The following PLCD1 variants were observed in gnomAD, a reference collection of about 807,000 sequenced individuals.
PLCD1 encodes the protein phospholipase C delta 1.
PLCD1 carries 71 observed loss-of-function variants against 87.4 expected under a neutral mutation model. The ratio of observed to expected loss-of-function variants is 0.81; its 90% confidence interval spans 0.67 to 0.99. The LOEUF is 0.99. Ranked by LOEUF, PLCD1 falls within the 50% of genes least tolerant of loss-of-function variation. The pLI, the probability that PLCD1 is intolerant of heterozygous loss-of-function variation, is 0.00. For synonymous variants in PLCD1, 348 were observed against 399.2 expected (o/e 0.87, Z 1.53); for missense variants, 867 against 1,001.5 (o/e 0.87, Z 1.81).
At chr3:38,026,415 A>T (rs1700309340) in intron 1 of PLCD1, among the ~76,000 whole-genome samples, 1 of 152,182 alleles carries the variant, frequency 6.6e-6, no homozygotes, top group Non-Finnish European at 1.5e-5. Flanking sequence ...GCTACTTGGG[A>T]GGCTGAGGCA....
chr3:38,022,496 T>A (rs1216956480), intron 1 of PLCD1, among the ~76,000 whole-genome samples: 2 of 152,132 alleles, frequency 1.3e-5, no homozygotes, highest in African/African-American at 4.8e-5. Flanking sequence ...GCCAACAGCA[T>A]GTATGGGAAT....
intron 1 of PLCD1, among the ~76,000 whole-genome samples, chr3:38,023,406 A>C (rs940985875): frequency 6.6e-6 from 1 of 152,224 alleles, no homozygotes; most frequent in Non-Finnish European, 1.5e-5. Flanking sequence ...ATGATGATAG[A>C]GGCTCCCATA....
intron 14 of PLCD1, 50 bp from the exon 15 acceptor site, chr3:38,007,908 G>A (rs748223047): frequency 4.1e-5 from 66 of 1,605,862 alleles, no homozygotes; most frequent in Non-Finnish European, 4.9e-5. Context: ...CTGGTCATTC[G>A]GCGGCGGAGG....
intron 3 of PLCD1, among the ~76,000 whole-genome samples, chr3:38,012,120 C>T (rs1436993277): frequency 6.7e-6 from 1 of 149,036 alleles, no homozygotes; most frequent in African/African-American, 2.5e-5. Flanking sequence ...CTAGACCTCT[C>T]AGGCTCAAGT....
chr3:38,022,928 G>A (rs1700255781), intron 1 of PLCD1, among the ~76,000 whole-genome samples: 1 of 151,446 alleles, frequency 6.6e-6, no homozygotes, highest in African/African-American at 2.4e-5. Flanking sequence ...GAAAGTAATA[G>A]CAAAAACTTT....
chr3:38,012,856 G>T (rs1700102094), intron 3 of PLCD1, among the ~76,000 whole-genome samples: 1 of 151,828 alleles, frequency 6.6e-6, no homozygotes, highest in African/African-American at 2.4e-5. Context: ...TCCTCCAGAA[G>T]CTTCTGATAT....
chr3:38,024,775 G>A, intron 1 of PLCD1: 1 of 1,288,590 alleles, frequency 7.8e-7, no homozygotes, highest in African/African-American at 1.5e-5. Flanking sequence ...TACAGGAGGC[G>A]GGACGAGAAG....
At chr3:38,027,270 A>G (rs557912077) in intron 1 of PLCD1, among the ~76,000 whole-genome samples, 3 of 152,258 alleles carry the variant, frequency 2.0e-5, no homozygotes, top group African/African-American at 4.8e-5. Flanking sequence ...AGAACTACAG[A>G]TGGCAACTCA....
chr3:38,014,057 G>GA (rs201592073), intron 3 of PLCD1, among the ~76,000 whole-genome samples: 475 of 151,696 alleles, frequency 3.1e-3, no homozygotes, highest in Middle Eastern at 6.8e-3. Flanking sequence ...AGGCACTGTT[G>GA]AAAAAAAATG....
Position 38,010,140 on chromosome 3 carries a change from AT to A in PLCD1, c.1127del (p.Tyr376LeufsTer25). ...CCAGGGGCACTCCCACCTTGAAGGC[AT>A]AGTCCCGGATGGCCCTGAGCACATC... is the stretch of plus-strand genomic sequence containing the variant. Reference protein sequence around the residue: ...FCDVLRAIRDYAFKASPYPVI... With the variant: ...FCDVLRAIRDXAFKASPYPVI... On this transcript the variant is annotated frameshift_variant, in exon 7 of 15. Transcript: ENST00000334661. LOFTEE classifies it high-confidence loss of function. The A allele has an allele frequency of 6.2e-7, 1 of 1,614,264 alleles. No homozygotes were observed. Among genetic ancestry groups the A allele is most frequent in the Non-Finnish European group, 8.5e-7 (1 of 1,180,032 alleles).
In PLCD1 at chr3:38,008,126, C is replaced by G; in HGVS notation, c.2073G>C (p.Glu691Asp). ...NPWWDTEFAFEVVVPDLALIR... is the reference protein window; with the variant it reads ...NPWWDTEFAFDVVVPDLALIR... ...TGAGGGCAAGGTCAGGCACAACTAC[C>G]TCAAACGCAAACTCCGTGTCCCACC... Residue 691 changes from glutamate (E) to aspartate (D), a missense_variant, in exon 14 of 15, where the codon GAG becomes GAC. By Grantham distance (45) the Glu-to-Asp change is conservative. Coordinates refer to ENST00000334661, the MANE Select transcript of PLCD1 (RefSeq NM_006225.4). 1 of 1,614,118 alleles carries G rather than the reference C, an allele frequency of 6.2e-7. No individual in the cohort carries two copies. Among genetic ancestry groups the G allele is most frequent in the Non-Finnish European group, 8.5e-7 (1 of 1,180,036 alleles).
rs1700188777 is a variant in PLCD1 at position 38,018,459 on chromosome 3, C to G, written c.199+1729G>C. 2.0e-5 allele frequency among the ~76,000 whole-genome samples: 3 copies of G among 152,112 alleles called. No individual in the cohort carries two copies. Among genetic ancestry groups the G allele is most frequent in the African/African-American group, 7.2e-5 (3 of 41,428 alleles). On this transcript the variant is annotated intron_variant, in intron 2 of 14. Transcript: ENST00000334661. The surrounding 1 kb of genome is among the most constrained non-coding windows in gnomAD (Gnocchi z 5.7). Reference sequence around the variant, plus strand: ...TCCTCACCCTGCACCTTGGCTCACACTGGGCCTCCTGCCTGCAATGTCCTT... The same window carrying G: ...TCCTCACCCTGCACCTTGGCTCACAGTGGGCCTCCTGCCTGCAATGTCCTT...
chr3:38,007,887 CAG>C (rs746207741), intron 14 of PLCD1, 29 bp from the exon 15 acceptor site: 4 of 1,610,492 alleles, frequency 2.5e-6, no homozygotes, highest in Non-Finnish European at 3.4e-6. Flanking sequence ...GGAGGGAACA[CAG>C]AGAGAGTTCT....
Position 38,018,233 on chromosome 3 carries a change from C to A in PLCD1, c.200-1514G>T, listed in dbSNP as rs1197154025. On this transcript the variant is annotated intron_variant, in intron 2 of 14. Coordinates refer to ENST00000334661, the MANE Select transcript of PLCD1 (RefSeq NM_006225.4). This position sits in a 1 kb window ranked among gnomAD's most constrained non-coding sequence, Gnocchi z 5.7. ...AGAGCAATTGAAGACAACAGTCTCACCACTCACCCAGAGAAGGGAGGCAGC... is the reference window on the plus strand; with the variant it reads ...AGAGCAATTGAAGACAACAGTCTCAACACTCACCCAGAGAAGGGAGGCAGC... Among the ~76,000 whole-genome samples, 2 of 152,202 alleles carry A rather than the reference C, an allele frequency of 1.3e-5. No homozygotes were observed. Among genetic ancestry groups the A allele is most frequent in the South Asian group, 2.1e-4 (1 of 4,836 alleles).
intron 1 of PLCD1, among the ~76,000 whole-genome samples, chr3:38,027,587 T>C (rs1281882965): frequency 6.6e-6 from 1 of 152,194 alleles, no homozygotes; most frequent in African/African-American, 2.4e-5. Context: ...CACATCTAGG[T>C]GAGCCGCATA....
chr3:38,024,971 A>G (rs1286241601), intron 1 of PLCD1, among the ~76,000 whole-genome samples: 1 of 152,004 alleles, frequency 6.6e-6, no homozygotes, highest in Non-Finnish European at 1.5e-5. Flanking sequence ...GAGTGGGACA[A>G]ATCCATAACC....
chr3:38,019,883 G>C (rs968118601), intron 2 of PLCD1, among the ~76,000 whole-genome samples: 1 of 152,162 alleles, frequency 6.6e-6, no homozygotes, highest in Non-Finnish European at 1.5e-5. Flanking sequence ...CTGTGGTCAT[G>C]GTTAAGTATC....
chr3:38,026,397 T>C (rs1467998457), intron 1 of PLCD1, among the ~76,000 whole-genome samples: 4 of 152,100 alleles, frequency 2.6e-5, no homozygotes, highest in Non-Finnish European at 5.9e-5. Flanking sequence ...CCGGCACCTG[T>C]AATCCCAGCT....
intron 3 of PLCD1, among the ~76,000 whole-genome samples, chr3:38,012,354 T>C (rs563660795): frequency 1.3e-4 from 20 of 152,108 alleles, no homozygotes; most frequent in Admixed American, 9.8e-4. Flanking sequence ...ACTAAAGAAA[T>C]GGATATTCCA....
Sources: allele counts gnomAD v4.1 joint callset (sites outside exome capture counted in the v4.1 genomes callset), GRCh38; gene constraint gnomAD v4.1.1; non-coding constraint Gnocchi (gnomAD v3.1); transcripts MANE v1.5; gene names NCBI Gene and HGNC (gene_info 2026-07-23, HGNC 2026-07-21).